The following TEX48 variants were observed in gnomAD, a reference collection of about 807,000 sequenced individuals.
The protein encoded by TEX48 is testis-expressed protein 48.
A neutral mutation model predicts 13.2 loss-of-function variants in TEX48; 10 were observed. The observed-to-expected ratio is 0.75, with a 90% CI of 0.47 to 1.28. The LOEUF (loss-of-function observed/expected upper bound fraction) is 1.28. Among genes scored for constraint, TEX48 ranks in the 50% most tolerant of loss-of-function variants. The probability of loss-of-function intolerance (pLI) is 0.00; values close to 1 mark genes in which losing one functional copy is unlikely to be tolerated. For missense variants in TEX48, 116 were observed against 139.4 expected, an observed-to-expected ratio of 0.83 and a Z score of 0.84; for synonymous variants, 45 against 52.3, an observed-to-expected ratio of 0.86 and a Z score of 0.60.
intron 1 of TEX48, among the ~76,000 whole-genome samples, chr9:114,680,121 C>CTTTTTTTTTTTTTT (rs1222465975): frequency 2.0e-4 from 9 of 44,586 alleles, no homozygotes; most frequent in East Asian, 6.5e-4. Context: ...GTCATTGTCC[C>CTTTTTTTTTTTTTT]TTTTTTTTTT....
chr9:114,674,842 C>CT (rs79196358), intron 1 of TEX48, among the ~76,000 whole-genome samples: 14,957 of 135,100 alleles, frequency 0.11, 860 homozygotes, highest in African/African-American at 0.14. Context: ...CCAGCAAATT[C>CT]TTTTTTTTTT....
Position 114,666,623 on chromosome 9 carries a change from G to A in TEX48, c.*20C>T. The A allele has an allele frequency of 1.4e-6, 2 of 1,404,926 alleles. No individual in the cohort carries two copies. The highest frequency in any genetic ancestry group is 2.5e-5 in the East Asian group (1 of 40,286). The allele number at this position is 1,404,926 out of a possible 1,614,324, so 87.0% of individuals were successfully genotyped here. The stretch of plus-strand genomic sequence containing the variant: ...CTCATGGAGATGCCCCAGCAGCTGT[G>A]CAGCCGCCGGCTAGAATGCTCAGGG... On this transcript the variant is annotated 3_prime_UTR_variant, in exon 5 of 5. Transcript: ENST00000436752.
At chr9:114,681,058 C>T (rs888376234) in intron 1 of TEX48, among the ~76,000 whole-genome samples, 1 of 152,188 alleles carries the variant, frequency 6.6e-6, no homozygotes, top group South Asian at 2.1e-4. Context: ...GCATCTTCCA[C>T]CAAAGCAGCT....
chr9:114,680,121 CTTTTTT>C (rs1222465975), intron 1 of TEX48, among the ~76,000 whole-genome samples: 29 of 44,590 alleles, frequency 6.5e-4, no homozygotes, highest in Admixed American at 8.1e-4. Flanking sequence ...GTCATTGTCC[CTTTTTT>C]TTTTTTTTTT....
chr9:114,669,640 C>T (rs1827909691), intron 3 of TEX48, among the ~76,000 whole-genome samples: 1 of 152,126 alleles, frequency 6.6e-6, no homozygotes, highest in Non-Finnish European at 1.5e-5. Context: ...GGGGTTTCTC[C>T]ATGTTGGTCA....
chr9:114,671,829 T>C lies in TEX48; in HGVS notation c.-104-2A>G, dbSNP rs932611608. 2.8e-5 allele frequency: 35 copies of C among 1,228,100 alleles called. No homozygotes were observed. Among genetic ancestry groups the C allele is most frequent in the Admixed American group, 1.0e-4 (5 of 50,158 alleles). The allele number at this position is 1,228,100 out of a possible 1,614,324, so 76.1% of individuals were successfully genotyped here. ...CAGTTCACTGGGCTGGGCTGTTTCC[T>C]AAGTAAACATAAGACCGTGGCTGAA... On this transcript the variant is annotated splice_acceptor_variant, in intron 1 of 4. Transcript: ENST00000436752. LOFTEE classifies it low-confidence loss of function (5UTR_SPLICE).
chr9:114,667,988 T>C (rs1301001154), intron 4 of TEX48, among the ~76,000 whole-genome samples: 1 of 150,084 alleles, frequency 6.7e-6, no homozygotes, highest in Non-Finnish European at 1.5e-5. Context: ...CCAGACCTGC[T>C]CCTTCTCATG....
rs1051008590 is a variant in TEX48, at chr9:114,671,872, C to T, written c.-104-45G>A. The T allele has an allele frequency of 4.9e-6, 4 of 815,722 alleles. No homozygotes were observed. The African/African-American group carries it at 5.1e-5, about 10-fold the overall frequency. 50.5% of individuals were successfully genotyped at this position (815,722 alleles called of 1,614,324 possible). A position where few individuals can be genotyped will look rare whatever the true frequency, so the allele number is the denominator to read the frequency against. ...TGGCTGAAAAATGCTAGTCCTTCAC[C>T]TGTGTTCACACTCCAGATAGGATCT... is the stretch of plus-strand genomic sequence containing the variant. On this transcript the variant is annotated intron_variant, in intron 1 of 4. Coordinates refer to ENST00000436752, the MANE Select transcript of TEX48 (RefSeq NM_001199233.2).
Position 114,666,574 on chromosome 9 carries a change from T to C in TEX48, c.*69A>G, listed in dbSNP as rs114247676. 1.4e-3 allele frequency: 1,223 copies of C among 868,492 alleles called. 10 individuals are homozygous for C. In the African/African-American group the frequency reaches 0.02, roughly 14 times the overall value. 53.8% of individuals were successfully genotyped at this position (868,492 alleles called of 1,614,324 possible). A position where few individuals can be genotyped will look rare whatever the true frequency, so the allele number is the denominator to read the frequency against. ...AGGGGAGTTTCCGAATTAGTCTTCA[T>C]GACTCCTGTCCACCGCCCTCTTCCT... On this transcript the variant is annotated 3_prime_UTR_variant, in exon 5 of 5. Coordinates refer to ENST00000436752, the MANE Select transcript of TEX48 (RefSeq NM_001199233.2).
chr9:114,673,352 T>G (rs1827982745), intron 1 of TEX48, among the ~76,000 whole-genome samples: 1 of 151,438 alleles, frequency 6.6e-6, no homozygotes, highest in African/African-American at 2.4e-5. Context: ...ATGCCTGTAA[T>G]CCCAGCTACT....
At chr9:114,679,925 A>G (rs1828154376) in intron 1 of TEX48, among the ~76,000 whole-genome samples, 1 of 152,024 alleles carries the variant, frequency 6.6e-6, no homozygotes, top group South Asian at 2.1e-4. Flanking sequence ...ATTTTAGCTA[A>G]TTAGGGGAGT....
intron 1 of TEX48, among the ~76,000 whole-genome samples, chr9:114,672,499 TATC>T (rs1827967468): frequency 6.6e-6 from 1 of 152,228 alleles, no homozygotes; most frequent in South Asian, 2.1e-4. Context: ...AGGAAATTCT[TATC>T]ATGGTATTGT....
At chr9:114,681,732 C>T (rs1589381921) in intron 1 of TEX48, among the ~76,000 whole-genome samples, 1 of 151,676 alleles carries the variant, frequency 6.6e-6, no homozygotes, top group Non-Finnish European at 1.5e-5. Context: ...CTTGGGTTGT[C>T]CCCAGTGGGT....
At chr9:114,677,501 CACTTATAAAAAT>C (rs1176430462) in intron 1 of TEX48, among the ~76,000 whole-genome samples, 2 of 152,148 alleles carry the variant, frequency 1.3e-5, no homozygotes, top group Non-Finnish European at 2.9e-5. Context: ...TGTCTTCATC[CACTTATAAAAAT>C]GCTTGCCTCA....
At chr9:114,672,246 T>C (rs1253932028) in intron 1 of TEX48, among the ~76,000 whole-genome samples, 1 of 152,234 alleles carries the variant, frequency 6.6e-6, no homozygotes, top group Non-Finnish European at 1.5e-5. Context: ...GTTTAAATTC[T>C]GGTTTTGCCA....
chr9:114,668,569 G>A (rs1479221138), intron 3 of TEX48, among the ~76,000 whole-genome samples: 5 of 152,074 alleles, frequency 3.3e-5, no homozygotes, highest in Admixed American at 2.6e-4. Context: ...TGTATTTATG[G>A]GCTACATATG....
chr9:114,679,703 CAG>C (rs1455259836), intron 1 of TEX48, among the ~76,000 whole-genome samples: 2 of 152,184 alleles, frequency 1.3e-5, no homozygotes, highest in African/African-American at 2.4e-5. Context: ...TCTTCTTACA[CAG>C]AGTCTGAAGG....
intron 1 of TEX48, among the ~76,000 whole-genome samples, chr9:114,673,323 C>G (rs1305264078): frequency 6.6e-6 from 1 of 151,814 alleles, no homozygotes; most frequent in African/African-American, 2.4e-5. Context: ...AAATACAAAA[C>G]TAGCTGGGTG....
intron 1 of TEX48, among the ~76,000 whole-genome samples, chr9:114,674,114 T>G (rs553454461): frequency 6.6e-6 from 1 of 152,224 alleles, no homozygotes; most frequent in African/African-American, 2.4e-5. Context: ...CCAGAAAGAT[T>G]TTTTCTCTTT....
Sources: allele counts gnomAD v4.1 joint callset (sites outside exome capture counted in the v4.1 genomes callset), GRCh38; gene constraint gnomAD v4.1.1; transcripts MANE v1.5; gene names NCBI Gene and HGNC (gene_info 2026-07-23, HGNC 2026-07-21).